The following DLAT variants were observed in gnomAD, a reference collection of about 807,000 sequenced individuals.
The protein encoded by DLAT is dihydrolipoyllysine-residue acetyltransferase component of pyruvate dehydrogenase complex, mitochondrial.
A neutral mutation model predicts 68.0 loss-of-function variants in DLAT; 43 were observed. That is an observed-to-expected ratio of 0.63 (90% CI 0.50 to 0.81). The LOEUF (loss-of-function observed/expected upper bound fraction) is 0.81. Ranked by LOEUF, DLAT falls within the 40% of genes least tolerant of loss-of-function variation. DLAT has a pLI of 0.00. For synonymous variants in DLAT, 265 were observed against 288.6 expected, an observed-to-expected ratio of 0.92 and a Z score of 0.83; for missense variants, 745 against 815.4, an observed-to-expected ratio of 0.91 and a Z score of 1.05.
chr11:112,029,443 G>C (rs1356166762), intron 4 of DLAT, among the ~76,000 whole-genome samples: 1 of 152,142 alleles, frequency 6.6e-6, no homozygotes, highest in Non-Finnish European at 1.5e-5. Flanking sequence ...GTGGAAGTTG[G>C]AAGGGAAAGG....
intron 11 of DLAT, among the ~76,000 whole-genome samples, chr11:112,053,980 C>G (rs1394430686): frequency 6.6e-6 from 1 of 152,108 alleles, no homozygotes; most frequent in African/African-American, 2.4e-5. Flanking sequence ...ATAACACCAT[C>G]TTCCCAAATT....
chr11:112,028,260 A>T (rs1555179600), intron 2 of DLAT, among the ~76,000 whole-genome samples: 1 of 152,088 alleles, frequency 6.6e-6, no homozygotes, highest in Non-Finnish European at 1.5e-5. Context: ...CTCTGCTAAA[A>T]ATACAAAAAT....
At chr11:112,025,799 G>T in intron 1 of DLAT, 48 bp downstream of exon 1, 2 of 1,607,756 alleles carry the variant, frequency 1.2e-6, no homozygotes, top group South Asian at 2.2e-5. Context: ...CTTCAGAGCT[G>T]ACTGGATGCC....
At chr11:112,059,653 A>G (rs1555182969) in intron 11 of DLAT, among the ~76,000 whole-genome samples, 1 of 152,166 alleles carries the variant, frequency 6.6e-6, no homozygotes, top group African/African-American at 2.4e-5. Flanking sequence ...TCAGCCTCCC[A>G]AAGTGTTGGG....
At chr11:112,053,132 G>A (rs1555182146) in intron 11 of DLAT, among the ~76,000 whole-genome samples, 2 of 152,056 alleles carry the variant, frequency 1.3e-5, no homozygotes, top group Non-Finnish European at 2.9e-5. Flanking sequence ...GACCAGCCTG[G>A]CCAACATGGT....
At chr11:112,037,506 C>G (rs1235621520) in intron 6 of DLAT, 46 bp downstream of exon 6, 2 of 1,587,554 alleles carry the variant, frequency 1.3e-6, no homozygotes, top group Non-Finnish European at 1.7e-6. Flanking sequence ...TTGTTCATCT[C>G]TAAATTAAGG....
In DLAT at chr11:112,028,881, C is replaced by T; in HGVS notation, c.596C>T (p.Ala199Val). The change falls in exon 4 of 14, where the codon GCC becomes GTC. Residue 199 changes from alanine (A) to valine (V), a missense_variant. Physicochemically the swap from Ala to Val is moderately conservative, Grantham distance 64. Transcript: ENST00000280346. ...PQAAPAPTPA[A>V]TASPPTPSAQ... Reference sequence around the variant, plus strand: ...GCGGCCCCAGCACCAACCCCTGCTGCCACTGCTTCGCCACCTACACCTTCT... The same window carrying T: ...GCGGCCCCAGCACCAACCCCTGCTGTCACTGCTTCGCCACCTACACCTTCT... 6.2e-7 allele frequency: 1 copy of T among 1,614,190 alleles called. No homozygotes were observed. The highest frequency in any genetic ancestry group is 8.5e-7 in the Non-Finnish European group (1 of 1,180,022).
In DLAT at chr11:112,051,294, G is replaced by T. The variant is rs1863616238; in HGVS notation, c.1459G>T (p.Ala487Ser). The change falls in exon 11 of 14, where the codon GCA becomes TCA. Residue 487 changes from alanine (A) to serine (S), a missense_variant. Transcript: ENST00000280346. This position sits in a 1 kb window ranked among gnomAD's most constrained non-coding sequence, Gnocchi z 4.3. ...CTTCATCATAAAAGCTTCAGCTTTG[G>T]CATGTTTAAAAGTTCCCGAAGCAAA... ...NDFIIKASAL[A>S]CLKVPEANSS... The T allele has an allele frequency of 1.2e-6, 2 of 1,613,600 alleles. No homozygotes were observed. Among genetic ancestry groups the T allele is most frequent in the African/African-American group, 2.7e-5 (2 of 75,034 alleles).
At chr11:112,044,133 CT>C (rs1348982816) in intron 8 of DLAT, among the ~76,000 whole-genome samples, 1 of 152,070 alleles carries the variant, frequency 6.6e-6, no homozygotes, top group Non-Finnish European at 1.5e-5. Context: ...AAGATTTGTT[CT>C]TTTTTTCTTT....
chr11:112,047,533 T>G (rs1300609271), intron 10 of DLAT, among the ~76,000 whole-genome samples: 1 of 152,196 alleles, frequency 6.6e-6, no homozygotes, highest in Non-Finnish European at 1.5e-5. Flanking sequence ...TCATGAAGTC[T>G]TTGCCCATGC....
intron 10 of DLAT, among the ~76,000 whole-genome samples, chr11:112,050,740 AC>A (rs1863573303): frequency 6.6e-6 from 1 of 152,220 alleles, no homozygotes; most frequent in Non-Finnish European, 1.5e-5. Flanking sequence ...GTCTAACTAA[AC>A]ATTTATCATT....
chr11:112,028,347 A>AGG (rs1555179606), intron 2 of DLAT, among the ~76,000 whole-genome samples, 168 bp from the exon 3 acceptor site: 1 of 132,826 alleles, frequency 7.5e-6, no homozygotes, highest in Non-Finnish European at 1.6e-5. Context: ...TGAACCTGGG[A>AGG]GGGGGAGGTT....
At chr11:112,038,754 G>C (rs1181068011) in intron 6 of DLAT, among the ~76,000 whole-genome samples, 3 of 151,698 alleles carry the variant, frequency 2.0e-5, no homozygotes, top group African/African-American at 7.3e-5. Context: ...GCTGAGGCAG[G>C]AGAATTGCTT....
At position 112,051,134 on chromosome 11, in the gene DLAT, C is replaced by A. The variant is rs759395308; in HGVS notation, c.1399-100C>A. The A allele has an allele frequency of 1.3e-6, 1 of 786,424 alleles. No individual in the cohort carries two copies. Among genetic ancestry groups the A allele is most frequent in the Non-Finnish European group, 2.1e-6 (1 of 484,572 alleles). The allele number at this position is 786,424 out of a possible 1,614,324, so 48.7% of individuals were successfully genotyped here. ...AGCAAACCACCATGGCACATGTTTA[C>A]CTATATAATAAACCTGGACATTCTG... On this transcript the variant is annotated intron_variant, in intron 10 of 13. Coordinates refer to ENST00000280346, the MANE Select transcript of DLAT (RefSeq NM_001931.5). This position sits in a 1 kb window ranked among gnomAD's most constrained non-coding sequence, Gnocchi z 4.3.
At chr11:112,025,883 A>G in intron 1 of DLAT, 132 bp downstream of exon 1, 1 of 1,243,024 alleles carries the variant, frequency 8.0e-7, no homozygotes, top group Non-Finnish European at 1.1e-6. Context: ...TTTGTCCAAT[A>G]GTTGGCTTTG....
chr11:112,036,373 C>T (rs888094471), intron 5 of DLAT, among the ~76,000 whole-genome samples: 13 of 151,036 alleles, frequency 8.6e-5, no homozygotes, highest in African/African-American at 3.2e-4. Context: ...GCCACCATGC[C>T]TGGCTAATTT....
intron 1 of DLAT, 33 bp from the exon 2 acceptor site, chr11:112,026,165 A>G (rs587715466): frequency 2.0e-6 from 3 of 1,530,846 alleles, no homozygotes; most frequent in African/African-American, 1.4e-5. Context: ...GTAGTCCTTA[A>G]AAATTTTAAT....
chr11:112,032,287 ATAAAATTCTGTG>A (rs143777656), intron 4 of DLAT, among the ~76,000 whole-genome samples: 416 of 152,184 alleles, frequency 2.7e-3, no homozygotes, highest in African/African-American at 9.4e-3. Flanking sequence ...AAATTATCAA[ATAAAATTCTGTG>A]TAAGAATTCT....
Position 112,025,751 on chromosome 11 carries a change from G to A in DLAT, c.279G>A (p.Lys93=). Reference sequence around the variant, plus strand: ...ATTACAGTCTTCCCCCGCATCAGAAGGTGAGCCCTAGACCCCCCTTCTCGG... The same window carrying A: ...ATTACAGTCTTCCCCCGCATCAGAAAGTGAGCCCTAGACCCCCCTTCTCGG... ...RRYYSLPPHQ[K]VPLPSLSPTM... Residue 93 remains lysine (K), a splice_region_variant and synonymous_variant, in exon 1 of 14, where the codon AAG becomes AAA. Transcript: ENST00000280346. 6.2e-7 allele frequency: 1 copy of A among 1,613,180 alleles called. No individual in the cohort carries two copies. Among genetic ancestry groups the A allele is most frequent in the African/African-American group, 1.3e-5 (1 of 75,058 alleles).
Sources: gnomAD v4.1 joint callset for allele counts (sites outside exome capture counted in the v4.1 genomes callset) on GRCh38, gnomAD v4.1.1 for gene constraint, Gnocchi (gnomAD v3.1) non-coding constraint, MANE v1.5 for transcripts, NCBI Gene and HGNC (gene_info 2026-07-23, HGNC 2026-07-21) for gene names.